Variants in COL13A1 observed in about 807,000 individuals in gnomAD.
The protein encoded by COL13A1 is collagen alpha-1(XIII) chain.
Under a neutral mutation model 130.9 loss-of-function variants are expected in COL13A1, and 89 were observed. The ratio of observed to expected loss-of-function variants is 0.68; its 90% CI spans 0.57 to 0.81. The LOEUF is 0.81. Ranked by LOEUF, COL13A1 falls within the 30% of genes least tolerant of loss-of-function variation. The pLI is 0.00. For missense variants in COL13A1, 879 were observed against 934.6 expected (o/e 0.94, Z 0.78); for synonymous variants, 402 against 341.6 (o/e 1.18, Z -1.95).
At chr10:69,890,079 G>A (rs984779324) in intron 10 of COL13A1, among the ~76,000 whole-genome samples, 2 of 152,210 alleles carry the variant, frequency 1.3e-5, no homozygotes, top group Non-Finnish European at 2.9e-5. Flanking sequence ...CACCCAGATG[G>A]ATCTGCCCAG....
chr10:69,803,906 T>G (rs935134259), intron 1 of COL13A1, among the ~76,000 whole-genome samples: 4 of 152,138 alleles, frequency 2.6e-5, no homozygotes, highest in African/African-American at 9.7e-5. Context: ...CTATTCCCTA[T>G]AGCCAGGCTC....
chr10:69,841,463 G>A (rs571384073), intron 2 of COL13A1, among the ~76,000 whole-genome samples: 1 of 152,296 alleles, frequency 6.6e-6, no homozygotes, highest in South Asian at 2.1e-4. Context: ...ATCATTTAAG[G>A]TGTCAGGCTC....
intron 10 of COL13A1, among the ~76,000 whole-genome samples, chr10:69,892,899 T>C (rs1589342521): frequency 2.6e-5 from 4 of 152,290 alleles, no homozygotes; most frequent in African/African-American, 9.6e-5. Flanking sequence ...GTTTGGGATG[T>C]CTGGTTTCAA....
rs750132472 is a variant in COL13A1, at chr10:69,806,102, T to TA, written c.294+3389dup. ...ATTGGAGGCAGATCGGAGACTTCAC[T>TA]AAAAGGTGCCATCACCAAAGGCCAT... On this transcript the variant is annotated intron_variant, in intron 1 of 40. Coordinates refer to ENST00000645393, the MANE Select transcript of COL13A1 (RefSeq NM_001368882.1). 6.3e-4 allele frequency among the ~76,000 whole-genome samples: 96 copies of TA among 152,164 alleles called. 1 individual carries two copies. Among genetic ancestry groups the TA allele is most frequent in the Non-Finnish European group, 2.8e-4 (19 of 68,026 alleles).
intron 10 of COL13A1, among the ~76,000 whole-genome samples, chr10:69,893,003 G>A (rs1440699529): frequency 1.3e-5 from 2 of 152,114 alleles, no homozygotes; most frequent in Non-Finnish European, 2.9e-5. Context: ...GTCACCTGTG[G>A]TCTGGGCCCG....
chr10:69,872,083 C>G, intron 3 of COL13A1, 101 bp from the exon 4 acceptor site: 3 of 1,374,844 alleles, frequency 2.2e-6, no homozygotes, highest in Non-Finnish European at 3.1e-6. Flanking sequence ...AAAGGCTTAC[C>G]CAAGTGGCAT....
At position 69,921,911 on chromosome 10, in the gene COL13A1, G is replaced by C; in HGVS notation, c.1119G>C (p.Gly373=). The C allele has an allele frequency of 6.2e-7, 1 of 1,607,502 alleles. No homozygotes were observed. The highest frequency in any genetic ancestry group is 1.1e-5 in the South Asian group (1 of 89,120). The change falls in exon 22 of 41, where the codon GGG becomes GGC. Residue 373 remains glycine (G), a synonymous_variant. Coordinates refer to ENST00000645393, the MANE Select transcript of COL13A1 (RefSeq NM_001368882.1). ...AGAAGGGGGCTGAAGGCTCCCCTGGGCTTCCTGGCCTCCTGGGGCAGAAGG... is the reference window on the plus strand; with the variant it reads ...AGAAGGGGGCTGAAGGCTCCCCTGGCCTTCCTGGCCTCCTGGGGCAGAAGG... ...RGEKGAEGSP[G]LPGLLGQKGE...
intron 33 of COL13A1, among the ~76,000 whole-genome samples, chr10:69,937,080 T>C (rs2067023898): frequency 1.3e-5 from 2 of 152,032 alleles, no homozygotes; most frequent in South Asian, 4.1e-4. Context: ...TCATGCCGAG[T>C]AGAGGTGGGA....
At chr10:69,820,756 C>A (rs1421445018) in intron 1 of COL13A1, among the ~76,000 whole-genome samples, 1 of 152,162 alleles carries the variant, frequency 6.6e-6, no homozygotes, top group Non-Finnish European at 1.5e-5. Flanking sequence ...CAGAGCCCCC[C>A]ATCCCATCTG....
At chr10:69,884,634 A>G (rs2060446620) in intron 7 of COL13A1, among the ~76,000 whole-genome samples, 1 of 152,254 alleles carries the variant, frequency 6.6e-6, no homozygotes, top group African/African-American at 2.4e-5. Context: ...AGAAGATTTC[A>G]GAGATCAATG....
In COL13A1 at chr10:69,889,434, C is replaced by T. The variant is rs776392997; in HGVS notation, c.597C>T (p.Gly199=). ...DGKPGHPGPK[G]DMGLTGPPGQ... ...TCCAGGGCCACCCAGGACCAAAGGG[C>T]GACATGGTAAGAGCCCAGCTTTCCT... The change falls in exon 10 of 41, where the codon GGC becomes GGT. Residue 199 remains glycine, a synonymous_variant. Coordinates refer to ENST00000645393, the MANE Select transcript of COL13A1 (RefSeq NM_001368882.1). 54 of 1,611,690 alleles carry T rather than the reference C, an allele frequency of 3.4e-5. No homozygotes were observed. The highest frequency in any genetic ancestry group is 1.6e-4 in the Middle Eastern group (1 of 6,080).
chr10:69,873,776 T>C (rs2059321357), intron 4 of COL13A1, among the ~76,000 whole-genome samples: 1 of 152,146 alleles, frequency 6.6e-6, no homozygotes, highest in African/African-American at 2.4e-5. Flanking sequence ...GATGCTTCCG[T>C]GTGAAGGGTC....
chr10:69,889,110 C>T (rs1030453863), intron 9 of COL13A1, among the ~76,000 whole-genome samples: 7 of 152,230 alleles, frequency 4.6e-5, no homozygotes, highest in African/African-American at 1.2e-4. Context: ...AGGCATCCCC[C>T]GAAGCTACCC....
chr10:69,810,179 A>G (rs1321254617), intron 1 of COL13A1, among the ~76,000 whole-genome samples: 3 of 152,098 alleles, frequency 2.0e-5, no homozygotes, highest in Non-Finnish European at 2.9e-5. Flanking sequence ...TTGCCCTTGT[A>G]CGGGTGATGC....
At position 69,878,512 on chromosome 10, in the gene COL13A1, C is replaced by T. The variant is rs11818730; in HGVS notation, c.462+447C>T. Among the ~76,000 whole-genome samples the T allele has an allele frequency of 4.6e-3, 690 of 151,566 alleles. 2 individuals are homozygous for T. The highest frequency in any genetic ancestry group is 0.016 in the African/African-American group (641 of 41,236). ...CTTTTTTTTTTTTGAGATTGAGTCT[C>T]GCTCTGTCACCCAGGCTGGAGCGCA... On this transcript the variant is annotated intron_variant, in intron 6 of 40. Coordinates refer to ENST00000645393, the MANE Select transcript of COL13A1 (RefSeq NM_001368882.1).
chr10:69,840,345 G>A (rs555513018), intron 2 of COL13A1, among the ~76,000 whole-genome samples: 18 of 152,276 alleles, frequency 1.2e-4, no homozygotes, highest in Admixed American at 3.3e-4. Flanking sequence ...TTTAAGTTGC[G>A]TGTCCCCCAG....
At position 69,902,810 on chromosome 10, in the gene COL13A1, T is replaced by C; in HGVS notation, c.813T>C (p.Ser271=). 6.4e-7 allele frequency: 1 copy of C among 1,550,706 alleles called. No homozygotes were observed. The highest frequency in any genetic ancestry group is 2.4e-5 in the East Asian group (1 of 40,854). Residue 271 remains serine, a synonymous_variant, in exon 15 of 41, where the codon AGT becomes AGC. Transcript: ENST00000645393. Reference sequence around the variant, plus strand: ...GGCCCCCAGGCCCCCCTGGACCAAGTGGACCTCTGGGGCACCCAGGACTGC... The same window carrying C: ...GGCCCCCAGGCCCCCCTGGACCAAGCGGACCTCTGGGGCACCCAGGACTGC... The part of the protein sequence containing the change: ...PPGPPGPPGP[S]GPLGHPGLPG...
intron 17 of COL13A1, among the ~76,000 whole-genome samples, chr10:69,916,464 C>T (rs1235908589): frequency 2.6e-5 from 4 of 152,200 alleles, no homozygotes; most frequent in Admixed American, 6.5e-5. Flanking sequence ...CTGATGTAGC[C>T]GATGATAGTC....
chr10:69,819,730 A>G (rs928319775), intron 1 of COL13A1, among the ~76,000 whole-genome samples: 1 of 152,194 alleles, frequency 6.6e-6, no homozygotes, highest in South Asian at 2.1e-4. Flanking sequence ...ATGGCCCACC[A>G]CAGCACCCAT....
Sources: gnomAD v4.1 joint callset for allele counts (sites outside exome capture counted in the v4.1 genomes callset) on GRCh38, gnomAD v4.1.1 for gene constraint, MANE v1.5 for transcripts, NCBI Gene and HGNC (gene_info 2026-07-23, HGNC 2026-07-21) for gene names.